Variants in SGCD observed in about 807,000 individuals in gnomAD.
SGCD encodes the protein sarcoglycan delta.
Under a neutral mutation model 36.6 loss-of-function variants are expected in SGCD, and 18 were observed. That is an observed-to-expected ratio of 0.49 (90% CI 0.34 to 0.73). The LOEUF is 0.73. Among genes scored for constraint, SGCD ranks in the 30% least tolerant of loss-of-function variants. The pLI is 0.01. For synonymous variants in SGCD, 133 were observed against 130.6 expected (o/e 1.02, Z -0.12); for missense variants, 387 against 346.7 (o/e 1.12, Z -0.92).
rs1581013669 is a variant in SGCD, at chr5:155,961,591, G to A, written c.-282+91167G>A. Among the ~76,000 whole-genome samples, 5 of 152,212 alleles carry A rather than the reference G, an allele frequency of 3.3e-5. No individual in the cohort carries two copies. The South Asian group carries it at 8.3e-4, about 25-fold the overall frequency. ...GAAGATTAAAAATCCAATTAGCCAT[G>A]CTGTGTGTTGCCGTCCTACCATCAC... On this transcript the variant is annotated intron_variant, in intron 1 of 9. Coordinates refer to the SGCD transcript ENST00000517913.
At chr5:155,812,399 G>A in the SGCD span, among the ~76,000 whole-genome samples, 259 of 152,236 alleles carry the variant, frequency 1.7e-3, 2 homozygotes, top group East Asian at 6.2e-3. Flanking sequence ...TCGTTCTGGC[G>A]GTCCAACCTG....
At chr5:156,163,143 G>A (rs1763123582) in intron 3 of SGCD, among the ~76,000 whole-genome samples, 1 of 151,578 alleles carries the variant, frequency 6.6e-6, no homozygotes, top group Non-Finnish European at 1.5e-5. Flanking sequence ...ATTGATCCAT[G>A]ATAAACTTTC....
intron 3 of SGCD, among the ~76,000 whole-genome samples, chr5:156,475,934 A>C (rs1214713073): frequency 2.0e-5 from 3 of 152,214 alleles, no homozygotes; most frequent in Non-Finnish European, 4.4e-5. Flanking sequence ...AGCAGGGTGC[A>C]TTGGAGCTTG....
chr5:156,273,114 G>A (rs962939011), intron 3 of SGCD, among the ~76,000 whole-genome samples: 1 of 152,160 alleles, frequency 6.6e-6, no homozygotes, highest in Admixed American at 6.5e-5. Flanking sequence ...TTAGAGGTAG[G>A]GTCAGTGAAG....
chr5:156,720,175 C>A (rs551257971), intron 7 of SGCD, among the ~76,000 whole-genome samples: 1 of 152,082 alleles, frequency 6.6e-6, no homozygotes, highest in Non-Finnish European at 1.5e-5. Context: ...GAACAGTCAC[C>A]GAGCATCAAT....
At chr5:156,149,680 A>G (rs1397812962) in intron 3 of SGCD, among the ~76,000 whole-genome samples, 2 of 150,906 alleles carry the variant, frequency 1.3e-5, no homozygotes, top group African/African-American at 2.4e-5. Context: ...TGAAGGGGCC[A>G]GGGGAGGTGG....
chr5:156,463,579 G>A (rs1318560952), intron 3 of SGCD, among the ~76,000 whole-genome samples: 1 of 152,074 alleles, frequency 6.6e-6, no homozygotes, highest in Non-Finnish European at 1.5e-5. Context: ...ATGGCTAAAA[G>A]GAACAGAAAG....
intron 6 of SGCD, among the ~76,000 whole-genome samples, chr5:156,628,589 T>C (rs1762516775): frequency 6.6e-6 from 1 of 152,244 alleles, no homozygotes; most frequent in Non-Finnish European, 1.5e-5. Flanking sequence ...CACTGGGATC[T>C]GCCATCCTTG....
At chr5:156,354,506 A>T (rs899710882) in intron 3 of SGCD, among the ~76,000 whole-genome samples, 2 of 152,370 alleles carry the variant, frequency 1.3e-5, no homozygotes, top group Admixed American at 1.3e-4. Flanking sequence ...GTGCAACTTT[A>T]TCCTATTATT....
chr5:156,214,732 G>T (rs1356640203), intron 3 of SGCD, among the ~76,000 whole-genome samples: 1 of 151,966 alleles, frequency 6.6e-6, no homozygotes, highest in Non-Finnish European at 1.5e-5. Flanking sequence ...ACAGCATGGT[G>T]CTAGTGTAAA....
At chr5:156,210,558 T>C (rs374218410) in intron 3 of SGCD, among the ~76,000 whole-genome samples, 28 of 151,698 alleles carry the variant, frequency 1.8e-4, no homozygotes, top group Middle Eastern at 6.8e-3. Context: ...AGAAACAGTT[T>C]AATGAAATCA....
intron 1 of SGCD, among the ~76,000 whole-genome samples, chr5:156,038,089 G>C (rs1049201724): frequency 6.6e-6 from 1 of 152,138 alleles, no homozygotes; most frequent in African/African-American, 2.4e-5. Flanking sequence ...TGAAGATGGG[G>C]ATAGAGACCA....
intron 3 of SGCD, among the ~76,000 whole-genome samples, chr5:156,311,922 A>AT (rs1406260501): frequency 6.6e-6 from 1 of 152,018 alleles, no homozygotes; most frequent in East Asian, 1.9e-4. Context: ...GAGCTTTTAT[A>AT]TTTTTTATTT....
chr5:156,753,077 A>G (rs890388654), intron 7 of SGCD, among the ~76,000 whole-genome samples: 2 of 152,184 alleles, frequency 1.3e-5, no homozygotes, highest in African/African-American at 4.8e-5. Flanking sequence ...TCACCTGGGA[A>G]CTTGTTACAA....
chr5:156,706,469 A>C (rs1178647531), intron 7 of SGCD, among the ~76,000 whole-genome samples: 1 of 152,020 alleles, frequency 6.6e-6, no homozygotes, highest in African/African-American at 2.4e-5. Context: ...CCCACACTAC[A>C]TCCATTTTCA....
rs138157929 is a variant in SGCD, at chr5:156,178,279, C to T, written c.-44+54260C>T. ...CTGTCTACCCTTTGTGTAACTGAAT[C>T]GTAACTAAAGAGAATGCTGTTTTGA... On this transcript the variant is annotated intron_variant, in intron 3 of 9. Coordinates refer to the SGCD transcript ENST00000517913. Among the ~76,000 whole-genome samples, 8 of 152,136 alleles carry T rather than the reference C, an allele frequency of 5.3e-5. No homozygotes were observed. The East Asian group carries it at 7.8e-4, about 15-fold the overall frequency.
intron 6 of SGCD, among the ~76,000 whole-genome samples, chr5:156,604,780 C>CATTTTATATGTATATATACATATATACAT: frequency 6.8e-6 from 1 of 147,360 alleles, no homozygotes; most frequent in Non-Finnish European, 1.5e-5. Context: ...CATATATACA[C>CATTTTATATGTATATATACATATATACAT]ATTTTATATG....
chr5:156,307,552 GTTGTTTTTTTTTTT>G (rs1767253068), intron 3 of SGCD, among the ~76,000 whole-genome samples: 3 of 48,444 alleles, frequency 6.2e-5, no homozygotes, highest in Admixed American at 2.4e-4. Context: ...CATTTTAACT[GTTGTTTTTTTTTTT>G]TTTTTTTTTT....
At position 156,070,204 on chromosome 5, in the gene SGCD, G is replaced by C. The variant is rs558446453; in HGVS notation, c.-281-47674G>C. Among the ~76,000 whole-genome samples the C allele has an allele frequency of 5.3e-4, 80 of 151,110 alleles. 1 individual carries two copies. The East Asian group carries it at 0.014, about 27-fold the overall frequency. ...CGGTGAGAGAGGGCATCCCTGTCTT[G>C]TGCCAGTTTTCAAAGGGAACGCTTC... On this transcript the variant is annotated intron_variant, in intron 1 of 9. Coordinates refer to the SGCD transcript ENST00000517913.
Sources: allele counts gnomAD v4.1 joint callset (sites outside exome capture counted in the v4.1 genomes callset), GRCh38; gene constraint gnomAD v4.1.1; transcripts MANE v1.5; gene names NCBI Gene and HGNC (gene_info 2026-07-23, HGNC 2026-07-21).